Variants in RAB11FIP3 observed in about 807,000 individuals in gnomAD.
The protein encoded by RAB11FIP3 is rab11 family-interacting protein 3.
RAB11FIP3 carries 17 observed loss-of-function variants against 77.8 expected under a neutral mutation model. The ratio of observed to expected loss-of-function variants is 0.22; its 90% CI spans 0.15 to 0.33. The LOEUF is 0.33. Among genes scored for constraint, RAB11FIP3 ranks in the 10% least tolerant of loss-of-function variants. The pLI, the probability that RAB11FIP3 is intolerant of heterozygous loss-of-function variation, is 1.00. For missense variants in RAB11FIP3, 1,005 were observed against 1,011.2 expected (o/e 0.99, Z 0.08); for synonymous variants, 437 against 448.2 (o/e 0.98, Z 0.31).
chr16:520,070 G>A lies in RAB11FIP3; in HGVS notation c.1861-52G>A, dbSNP rs143725485. The A allele has an allele frequency of 1.8e-4, 272 of 1,538,566 alleles. 5 individuals carry two copies. The East Asian group carries it at 5.8e-3, about 33-fold the overall frequency. ...GTTCTACAGCCAAGTGATGGCTGAC[G>A]GTGGCCCCTGGGAGCCCAGGCCCCC... On this transcript the variant is annotated intron_variant, in intron 11 of 13. Coordinates refer to ENST00000262305, the MANE Select transcript of RAB11FIP3 (RefSeq NM_014700.4).
rs971345702 is a variant in RAB11FIP3 at position 426,320 on chromosome 16, C to T, written c.314C>T (p.Ala105Val). 1.4e-6 allele frequency: 2 copies of T among 1,402,550 alleles called. No individual in the cohort carries two copies. The highest frequency in any genetic ancestry group is 3.0e-5 in the East Asian group (1 of 32,888). 86.9% of individuals were successfully genotyped at this position (1,402,550 alleles called of 1,614,324 possible). Residue 105 changes from alanine to valine, a missense_variant, in exon 1 of 14, where the codon GCC (alanine) becomes GTC (valine). Ala to Val is a moderately conservative substitution (Grantham distance 64). This residue lies in a region of RAB11FIP3 where 466 missense variants were observed against 408.3 expected (regional missense o/e 1.14). Transcript: ENST00000262305. This position sits in a 1 kb window ranked among gnomAD's most constrained non-coding sequence, Gnocchi z 5.0. ...CGGGGGCAGCTTGCGAGCCCCGACG[C>T]CCCGGGCCCAGGGCCGCGCTCCGAA... Reference protein sequence around the residue: ...GPRGQLASPDAPGPGPRSEAP... With the variant: ...GPRGQLASPDVPGPGPRSEAP...
At chr16:465,640 C>T (rs948249738) in intron 2 of RAB11FIP3, among the ~76,000 whole-genome samples, 36 of 152,116 alleles carry the variant, frequency 2.4e-4, no homozygotes, top group African/African-American at 8.4e-4. Context: ...GATGGAGTCT[C>T]GCTCTGTCGG....
rs1567121538 is a variant in RAB11FIP3, at chr16:518,986, A to G, written c.1684A>G (p.Thr562Ala). The G allele has an allele frequency of 6.2e-7, 1 of 1,613,524 alleles. No individual in the cohort carries two copies. The highest frequency in any genetic ancestry group is 8.5e-7 in the Non-Finnish European group (1 of 1,180,022). The change falls in exon 10 of 14, where the codon ACG becomes GCG. Residue 562 changes from threonine (T) to alanine (A), a missense_variant. Transcript: ENST00000262305. ...GGAGAACAGTGAACTCCGGTCCTGC[A>G]CGCCCTGTCTGAAGGCCAACATTGA... ...DEENSELRSC[T>A]PCLKANIERL...
chr16:467,766 G>A (rs1408411857), intron 2 of RAB11FIP3, among the ~76,000 whole-genome samples: 1 of 53,500 alleles, frequency 1.9e-5, no homozygotes, highest in East Asian at 5.3e-4. Flanking sequence ...AGGTGCAGGG[G>A]CGTCAGGGAG....
At chr16:477,864 C>G (rs2055950232) in intron 3 of RAB11FIP3, among the ~76,000 whole-genome samples, 1 of 152,212 alleles carries the variant, frequency 6.6e-6, no homozygotes, top group Non-Finnish European at 1.5e-5. Context: ...TTCCCACCCA[C>G]CAGTGACACT....
chr16:494,069 AAC>A, intron 5 of RAB11FIP3, among the ~76,000 whole-genome samples: 1 of 56,274 alleles, frequency 1.8e-5, no homozygotes, highest in Admixed American at 1.4e-4. Flanking sequence ...ACACCTGGCT[AAC>A]TTTTGTATTT....
In RAB11FIP3 at chr16:505,046, C is replaced by A. The variant is rs1004656681; in HGVS notation, c.1396-478C>A. On this transcript the variant is annotated intron_variant, in intron 7 of 13. Coordinates refer to ENST00000262305, the MANE Select transcript of RAB11FIP3 (RefSeq NM_014700.4). The surrounding 1 kb of genome is among the most constrained non-coding windows in gnomAD (Gnocchi z 4.0). ...TCAAGTCTGCTGACCCAGGCCAAGT[C>A]CTCCTCTGCTCCCTTCACTCCTTCT... Among the ~76,000 whole-genome samples the A allele has an allele frequency of 6.7e-6, 1 of 149,682 alleles. No homozygotes were observed. Among genetic ancestry groups the A allele is most frequent in the Non-Finnish European group, 1.5e-5 (1 of 67,618 alleles).
At chr16:517,362 G>T (rs904934692) in intron 9 of RAB11FIP3, among the ~76,000 whole-genome samples, 7 of 151,936 alleles carry the variant, frequency 4.6e-5, no homozygotes, top group African/African-American at 1.7e-4. Flanking sequence ...TAAGCTCAGA[G>T]TTGGAGACCA....
chr16:492,362 T>TCCCGGGGGACCCGAGGCCGTCCAGGGCCC (rs2030354690), intron 5 of RAB11FIP3, among the ~76,000 whole-genome samples: 4 of 63,628 alleles, frequency 6.3e-5, no homozygotes, highest in African/African-American at 3.2e-4. Flanking sequence ...GAAGAGGGTC[T>TCCCGGGGGACCCGAGGCCGTCCAGGGCCC]TCCCGGGAGA....
In RAB11FIP3 at chr16:426,462, C is replaced by T. The variant is rs760898307; in HGVS notation, c.456C>T (p.His152=). ...PFRLQGSSSS[H]RARGEVDVFS... The stretch of plus-strand genomic sequence containing the variant: ...GCTTGCAGGGGTCCAGCAGCAGCCA[C>T]CGAGCGCGGGGCGAGGTCGACGTCT... Residue 152 remains histidine (H), a synonymous_variant, in exon 1 of 14, where the codon CAC becomes CAT. Coordinates refer to ENST00000262305, the MANE Select transcript of RAB11FIP3 (RefSeq NM_014700.4). This position sits in a 1 kb window ranked among gnomAD's most constrained non-coding sequence, Gnocchi z 5.0. 2.5e-6 allele frequency: 4 copies of T among 1,583,044 alleles called. No individual in the cohort carries two copies. Among genetic ancestry groups the T allele is most frequent in the Admixed American group, 1.8e-5 (1 of 55,604 alleles).
chr16:519,034 C>T lies in RAB11FIP3; in HGVS notation c.1722+10C>T, dbSNP rs1239096360. 1.2e-6 allele frequency: 2 copies of T among 1,612,738 alleles called. No homozygotes were observed. Among genetic ancestry groups the T allele is most frequent in the South Asian group, 2.2e-5 (2 of 91,084 alleles). ...TGAGCGTCTGGAGGAGGTGAGCTGC[C>T]AACAGCCTGGAGCTGTGGCCAGTGG... On this transcript the variant is annotated intron_variant, in intron 10 of 13. Coordinates refer to ENST00000262305, the MANE Select transcript of RAB11FIP3 (RefSeq NM_014700.4).
chr16:448,855 CGG>C (rs2055361518), intron 1 of RAB11FIP3, among the ~76,000 whole-genome samples: 1 of 151,970 alleles, frequency 6.6e-6, no homozygotes, highest in South Asian at 2.1e-4. Context: ...GTGGGGGTTG[CGG>C]TGAGCCAAGA....
chr16:492,477 C>CCAGAGCCCTCCCGGGAGACCCGAGGCCGT (rs1567392439), intron 5 of RAB11FIP3, among the ~76,000 whole-genome samples: 1 of 51,684 alleles, frequency 1.9e-5, no homozygotes, highest in Non-Finnish European at 3.5e-5. Flanking sequence ...CCCGAGGCCG[C>CCAGAGCCCTCCCGGGAGACCCGAGGCCGT]CCAGGGCCCT....
rs750509223 is a variant in RAB11FIP3 at position 520,878 on chromosome 16, A to C, written c.*39A>C. On this transcript the variant is annotated 3_prime_UTR_variant, in exon 14 of 14. Transcript: ENST00000262305. ...CAGCCTGAGCTGGATTCGGGACTCC[A>C]ACACCCTGGAGTGGTTCCGTCAGAC... 7.1e-6 allele frequency: 11 copies of C among 1,546,910 alleles called. No individual in the cohort carries two copies. The Admixed American group carries it at 1.8e-4, about 26-fold the overall frequency.
intron 1 of RAB11FIP3, among the ~76,000 whole-genome samples, chr16:445,011 G>A (rs1030031556): frequency 6.6e-6 from 1 of 151,466 alleles, no homozygotes; most frequent in African/African-American, 2.4e-5. Flanking sequence ...CTACTCGGGA[G>A]GCTGAGGCAG....
chr16:432,903 C>T (rs918834236), intron 1 of RAB11FIP3, among the ~76,000 whole-genome samples: 1 of 151,530 alleles, frequency 6.6e-6, no homozygotes, highest in Non-Finnish European at 1.5e-5. Flanking sequence ...TGCCCCTAGC[C>T]TGAGCTGTTT....
At chr16:491,939 C>T (rs981399564) in intron 5 of RAB11FIP3, among the ~76,000 whole-genome samples, 4 of 152,190 alleles carry the variant, frequency 2.6e-5, no homozygotes, top group South Asian at 2.1e-4. Context: ...CATACAGGCT[C>T]ATGCTGGCAA....
At chr16:450,169 A>G (rs1033860340) in intron 1 of RAB11FIP3, among the ~76,000 whole-genome samples, 1 of 151,764 alleles carries the variant, frequency 6.6e-6, no homozygotes, top group African/African-American at 2.4e-5. Flanking sequence ...GTGCACAACA[A>G]ACTTTTTTTC....
chr16:518,210 C>T (rs1014219421), intron 9 of RAB11FIP3, among the ~76,000 whole-genome samples: 1 of 152,230 alleles, frequency 6.6e-6, no homozygotes, highest in Non-Finnish European at 1.5e-5. Flanking sequence ...CCTCAAGTAG[C>T]TGGAGCTACA....
Sources: allele counts gnomAD v4.1 joint callset (sites outside exome capture counted in the v4.1 genomes callset), GRCh38; gene constraint gnomAD v4.1.1; regional missense constraint gnomAD v4.1.1; non-coding constraint Gnocchi (gnomAD v3.1); transcripts MANE v1.5; gene names NCBI Gene and HGNC (gene_info 2026-07-23, HGNC 2026-07-21).